MACROH2A1: variants seen among roughly 807,000 people sequenced by gnomAD.
The protein encoded by MACROH2A1 is macroH2A.1 histone.
A neutral mutation model predicts 31.6 loss-of-function variants in MACROH2A1; 2 were observed. The ratio of observed to expected loss-of-function variants is 0.06; its 90% CI spans 0.03 to 0.20. The LOEUF is 0.20. MACROH2A1 is among the 10% of genes least tolerant of loss of function. The pLI is 1.00. For synonymous variants in MACROH2A1, 169 were observed against 189.6 expected, an observed-to-expected ratio of 0.89 and a Z score of 0.89; for missense variants, 230 against 474.0, an observed-to-expected ratio of 0.49 and a Z score of 4.78.
chr5:135,368,830 G>C (rs986017671), intron 4 of MACROH2A1, among the ~76,000 whole-genome samples: 2 of 152,186 alleles, frequency 1.3e-5, no homozygotes, highest in Admixed American at 1.3e-4. Flanking sequence ...GATGACATTA[G>C]ATAACACTAA....
At chr5:135,335,321 G>A (rs1245203684) in intron 8 of MACROH2A1, among the ~76,000 whole-genome samples, 180 bp from the exon 9 acceptor site, 1 of 152,206 alleles carries the variant, frequency 6.6e-6, no homozygotes, top group African/African-American at 2.4e-5. Context: ...AAGATGGGAT[G>A]GGGGACAGAC....
intron 6 of MACROH2A1, among the ~76,000 whole-genome samples, chr5:135,349,893 T>C (rs1280322648): frequency 2.0e-5 from 3 of 152,208 alleles, no homozygotes; most frequent in Admixed American, 6.5e-5. Flanking sequence ...ACTTAATAGA[T>C]AGGGAACCTG....
At chr5:135,350,016 T>C (rs987824623) in intron 6 of MACROH2A1, among the ~76,000 whole-genome samples, 2 of 152,178 alleles carry the variant, frequency 1.3e-5, no homozygotes, top group East Asian at 1.9e-4. Flanking sequence ...CTATCACACA[T>C]GGGTGCCTCC....
chr5:135,376,715 G>C (rs1317705466), intron 2 of MACROH2A1, among the ~76,000 whole-genome samples: 3 of 152,200 alleles, frequency 2.0e-5, no homozygotes, highest in South Asian at 2.1e-4. Flanking sequence ...ATTCTGTACA[G>C]GGGGAGTGAT....
intron 8 of MACROH2A1, among the ~76,000 whole-genome samples, chr5:135,341,522 T>C (rs1469977631): frequency 6.6e-6 from 1 of 152,236 alleles, no homozygotes; most frequent in African/African-American, 2.4e-5. Flanking sequence ...AGCCTGGTAC[T>C]GGTGGGTCCT....
At chr5:135,370,722 G>T (rs1764077975) in intron 2 of MACROH2A1, among the ~76,000 whole-genome samples, 1 of 152,186 alleles carries the variant, frequency 6.6e-6, no homozygotes, top group Non-Finnish European at 1.5e-5. Context: ...GGGGGAGGTT[G>T]TTGTAGATTC....
intron 2 of MACROH2A1, 118 bp from the exon 3 acceptor site, chr5:135,370,260 C>A: frequency 3.2e-6 from 2 of 624,552 alleles, no homozygotes; most frequent in East Asian, 2.9e-5. Flanking sequence ...AGCAGCTACC[C>A]TGAGGTGAAA....
chr5:135,359,105 A>C (rs1022496949), intron 5 of MACROH2A1: 1 of 985,178 alleles, frequency 1.0e-6, no homozygotes, highest in Non-Finnish European at 1.2e-6. Flanking sequence ...CCAGCAAGGG[A>C]GGTATGAGGA....
intron 6 of MACROH2A1, among the ~76,000 whole-genome samples, chr5:135,349,710 T>C (rs1761283224): frequency 6.6e-6 from 1 of 152,210 alleles, no homozygotes; most frequent in Admixed American, 6.5e-5. Context: ...CCATTCTCTT[T>C]GGAAGCTGGT....
At chr5:135,359,111 G>A (rs1434644149) in intron 5 of MACROH2A1, 6 of 985,264 alleles carry the variant, frequency 6.1e-6, no homozygotes, top group Non-Finnish European at 7.2e-6. Flanking sequence ...AGGGAGGTAT[G>A]AGGAATTCTG....
intron 2 of MACROH2A1, among the ~76,000 whole-genome samples, chr5:135,371,674 C>A (rs1256475084): frequency 6.6e-6 from 1 of 152,176 alleles, no homozygotes; most frequent in Admixed American, 6.5e-5. Context: ...GTGAGGCATA[C>A]GGATAGACCC....
At chr5:135,394,752 T>C (rs1186791771) in intron 1 of MACROH2A1, among the ~76,000 whole-genome samples, 1 of 152,210 alleles carries the variant, frequency 6.6e-6, no homozygotes, top group African/African-American at 2.4e-5. Flanking sequence ...CCTATTTACC[T>C]GTCTGTCTTG....
intron 8 of MACROH2A1, among the ~76,000 whole-genome samples, chr5:135,339,081 TGTTCCTTAA>T (rs1356859690): frequency 6.6e-6 from 1 of 152,224 alleles, no homozygotes; most frequent in Non-Finnish European, 1.5e-5. Context: ...GTTTATGGCA[TGTTCCTTAA>T]GTTCCTCTGG....
intron 5 of MACROH2A1, chr5:135,354,448 A>G (rs1002748247): frequency 4.6e-5 from 7 of 152,576 alleles, no homozygotes; most frequent in African/African-American, 1.7e-4. Flanking sequence ...TGGCCAGGGC[A>G]GTGGACTTCA....
At chr5:135,344,425 G>A (rs1316875806) in intron 7 of MACROH2A1, 2 of 151,682 alleles carry the variant, frequency 1.3e-5, no homozygotes, top group Admixed American at 6.6e-5. Flanking sequence ...TGTTATGGTC[G>A]TGTCATAGAT....
chr5:135,348,769 G>C (rs1042253478), intron 6 of MACROH2A1, among the ~76,000 whole-genome samples: 1 of 152,228 alleles, frequency 6.6e-6, no homozygotes, highest in Non-Finnish European at 1.5e-5. Context: ...CAGTCTTTCT[G>C]CCTTGGCCAG....
In MACROH2A1 at chr5:135,336,807, A is replaced by T. The variant is rs189995785; in HGVS notation, c.954-1666T>A. Among the ~76,000 whole-genome samples, 246 of 152,360 alleles carry T rather than the reference A, an allele frequency of 1.6e-3. 1 individual carries two copies. Among genetic ancestry groups the T allele is most frequent in the Middle Eastern group, 6.8e-3 (2 of 294 alleles). On this transcript the variant is annotated intron_variant, in intron 8 of 8. Coordinates refer to ENST00000511689, the MANE Select transcript of MACROH2A1 (RefSeq NM_138610.3). ...CTGACTATATTCACAGGAGTCAAGG[A>T]GCACAGAGGACAGGTTATCTGGAAT...
rs1763950502 is a variant in MACROH2A1, at chr5:135,369,732, A to G, written c.280-129T>C. ...TCCTTCCTCCATGGCATCCTCCATGAGGATGCTGCCAGGACTCAAGCTCAC... is the reference window on the plus strand; with the variant it reads ...TCCTTCCTCCATGGCATCCTCCATGGGGATGCTGCCAGGACTCAAGCTCAC... On this transcript the variant is annotated intron_variant, in intron 3 of 8. Coordinates refer to ENST00000511689, the MANE Select transcript of MACROH2A1 (RefSeq NM_138610.3). The surrounding 1 kb of genome is among the most constrained non-coding windows in gnomAD (Gnocchi z 4.3). 3 of 697,766 alleles carry G rather than the reference A, an allele frequency of 4.3e-6. No homozygotes were observed. The highest frequency in any genetic ancestry group is 7.4e-6 in the Non-Finnish European group (3 of 407,510). The allele number at this position is 697,766 out of a possible 1,614,324, so 43.2% of individuals were successfully genotyped here. A position where few individuals can be genotyped will look rare whatever the true frequency, so the allele number is the denominator to read the frequency against.
intron 5 of MACROH2A1, chr5:135,358,814 T>C (rs535424479): frequency 1.0e-6 from 1 of 985,172 alleles, no homozygotes; most frequent in East Asian, 1.1e-4. Flanking sequence ...TTTACTCTAC[T>C]GTACTTTATT....
Sources: allele counts gnomAD v4.1 joint callset (sites outside exome capture counted in the v4.1 genomes callset), GRCh38; gene constraint gnomAD v4.1.1; non-coding constraint Gnocchi (gnomAD v3.1); transcripts MANE v1.5; gene names NCBI Gene and HGNC (gene_info 2026-07-23, HGNC 2026-07-21).